The following PCDH9 variants were observed in gnomAD, a reference collection of about 807,000 sequenced individuals.
The protein encoded by PCDH9 is protocadherin 9.
PCDH9 carries 24 observed loss-of-function variants against 70.6 expected under a neutral mutation model. That is an observed-to-expected ratio of 0.34 (90% CI 0.25 to 0.48). The LOEUF is 0.48. Among genes scored for constraint, PCDH9 ranks in the 20% least tolerant of loss-of-function variants. The probability of loss-of-function intolerance (pLI) is 0.99; values close to 1 mark genes in which losing one functional copy is unlikely to be tolerated. For missense variants in PCDH9, 1,281 were observed against 1,503.6 expected (o/e 0.85, Z 2.45); for synonymous variants, 562 against 558.5 (o/e 1.01, Z -0.09).
intron 4 of PCDH9, among the ~76,000 whole-genome samples, chr13:66,436,604 G>A (rs1957871303): frequency 6.6e-6 from 1 of 152,080 alleles, no homozygotes; most frequent in Non-Finnish European, 1.5e-5. Context: ...CTTTCTGAAT[G>A]CAGTAAAGTA....
intron 4 of PCDH9, among the ~76,000 whole-genome samples, chr13:66,519,496 C>T (rs909205491): frequency 4.0e-5 from 6 of 148,836 alleles, no homozygotes; most frequent in Non-Finnish European, 5.9e-5. Flanking sequence ...CTTGGGTAAA[C>T]ACTTAGAGCT....
intron 4 of PCDH9, among the ~76,000 whole-genome samples, chr13:66,436,659 T>A: frequency 6.6e-6 from 1 of 152,182 alleles, no homozygotes. Flanking sequence ...TAAGTTGACT[T>A]TGGAAACCTA....
intron 2 of PCDH9, among the ~76,000 whole-genome samples, chr13:66,992,622 T>C (rs1357026069): frequency 6.6e-6 from 1 of 152,186 alleles, no homozygotes; most frequent in East Asian, 1.9e-4. Context: ...TAGATAATTG[T>C]AATGGTTGGT....
chr13:66,461,875 C>T (rs1007425264), intron 4 of PCDH9, among the ~76,000 whole-genome samples: 8 of 151,822 alleles, frequency 5.3e-5, no homozygotes, highest in African/African-American at 1.9e-4. Context: ...TATTATCTAT[C>T]ATACAAATGA....
intron 2 of PCDH9, among the ~76,000 whole-genome samples, chr13:66,962,140 T>C (rs2083359523): frequency 6.6e-6 from 1 of 152,184 alleles, no homozygotes; most frequent in South Asian, 2.1e-4. Context: ...AGCAATTTCT[T>C]AATAATTCAT....
intron 2 of PCDH9, among the ~76,000 whole-genome samples, chr13:66,952,314 T>C (rs9317628): frequency 0.2 from 29,995 of 152,178 alleles, 3,313 homozygotes; most frequent in East Asian, 0.54. Flanking sequence ...ACTGTTCTAA[T>C]TATTCAAGCT....
chr13:66,722,281 C>T (rs1593952736), intron 3 of PCDH9, among the ~76,000 whole-genome samples: 3 of 152,252 alleles, frequency 2.0e-5, no homozygotes, highest in East Asian at 3.9e-4. Flanking sequence ...ATGGTTAGAA[C>T]ATAACTGCAC....
At chr13:66,734,048 G>T (rs959787909) in intron 3 of PCDH9, among the ~76,000 whole-genome samples, 3 of 152,088 alleles carry the variant, frequency 2.0e-5, no homozygotes, top group African/African-American at 4.8e-5. Context: ...CTTATGGTAA[G>T]ATTTCCCACA....
At chr13:66,609,351 A>G (rs904099202) in intron 4 of PCDH9, among the ~76,000 whole-genome samples, 1 of 152,158 alleles carries the variant, frequency 6.6e-6, no homozygotes, top group Non-Finnish European at 1.5e-5. Flanking sequence ...CTTTTTGCTA[A>G]CTTAAAATGT....
chr13:66,422,332 C>G (rs1016818147), intron 4 of PCDH9, among the ~76,000 whole-genome samples: 4 of 152,156 alleles, frequency 2.6e-5, no homozygotes, highest in African/African-American at 9.7e-5. Context: ...ATAGAACTCT[C>G]TGCCCCAAAT....
chr13:67,110,332 C>T (rs535632801), intron 2 of PCDH9, among the ~76,000 whole-genome samples: 188 of 151,670 alleles, frequency 1.2e-3, no homozygotes, highest in African/African-American at 4.3e-3. Context: ...CTGGCCAACA[C>T]GGTGAAACCC....
chr13:66,779,843 C>CTATA (rs1234220065), intron 3 of PCDH9, among the ~76,000 whole-genome samples: 58 of 31,004 alleles, frequency 1.9e-3, no homozygotes, highest in East Asian at 6.9e-3. Context: ...CTCTCTCTCT[C>CTATA]TCTCTCTATA....
At chr13:66,738,354 T>C (rs2079192785) in intron 3 of PCDH9, among the ~76,000 whole-genome samples, 1 of 151,276 alleles carries the variant, frequency 6.6e-6, no homozygotes, top group Non-Finnish European at 1.5e-5. Context: ...ATCACCATCA[T>C]CAAAGACCAA....
intron 3 of PCDH9, among the ~76,000 whole-genome samples, chr13:66,832,673 C>A (rs1448830095): frequency 6.6e-6 from 1 of 152,014 alleles, no homozygotes; most frequent in African/African-American, 2.4e-5. Context: ...AAATGGCTTT[C>A]CCAAATATTC....
chr13:66,576,956 A>G (rs984050202), intron 4 of PCDH9, among the ~76,000 whole-genome samples: 1 of 152,050 alleles, frequency 6.6e-6, no homozygotes, highest in Admixed American at 6.6e-5. Flanking sequence ...ATAATATCAA[A>G]CTATATATGT....
chr13:66,661,515 G>C (rs888767817), intron 3 of PCDH9, among the ~76,000 whole-genome samples: 4 of 152,078 alleles, frequency 2.6e-5, no homozygotes, highest in African/African-American at 9.7e-5. Context: ...ACCACTGAGA[G>C]GTCCCCTGAG....
chr13:66,406,244 C>A (rs565602464), intron 4 of PCDH9, among the ~76,000 whole-genome samples: 1 of 152,274 alleles, frequency 6.6e-6, no homozygotes, highest in South Asian at 2.1e-4. Flanking sequence ...TTTGTTCTGA[C>A]AAGTAGCAGC....
chr13:66,373,365 T>A (rs1956693262), intron 4 of PCDH9, among the ~76,000 whole-genome samples: 1 of 151,936 alleles, frequency 6.6e-6, no homozygotes, highest in African/African-American at 2.4e-5. Flanking sequence ...AAATTGTCGT[T>A]TAATGGGTGT....
chr13:66,502,884 C>T (rs781111397), intron 4 of PCDH9, among the ~76,000 whole-genome samples: 1 of 151,946 alleles, frequency 6.6e-6, no homozygotes, highest in Non-Finnish European at 1.5e-5. Flanking sequence ...CTTGCAAGAC[C>T]AAGGAGAAAT....
Sources: allele counts gnomAD v4.1 joint callset (sites outside exome capture counted in the v4.1 genomes callset), GRCh38; gene constraint gnomAD v4.1.1; transcripts MANE v1.5; gene names NCBI Gene and HGNC (gene_info 2026-07-23, HGNC 2026-07-21).